CTNNA2: variants seen among roughly 807,000 people sequenced by gnomAD.
CTNNA2 encodes the protein catenin alpha 2, also known as catenin alpha-2.
A neutral mutation model predicts 101.0 loss-of-function variants in CTNNA2; 42 were observed. The ratio of observed to expected loss-of-function variants is 0.42; its 90% CI spans 0.32 to 0.54. CTNNA2 has a LOEUF of 0.54. CTNNA2 is among the 20% of genes least tolerant of loss of function. The pLI, the probability that CTNNA2 is intolerant of heterozygous loss-of-function variation, is 0.14. For synonymous variants in CTNNA2, 450 were observed against 456.4 expected (o/e 0.99, Z 0.18); for missense variants, 871 against 1,223.1 (o/e 0.71, Z 4.29).
chr2:80,433,099 C>T lies in CTNNA2; in HGVS notation c.1290+13498C>T, dbSNP rs573866420. Among the ~76,000 whole-genome samples, 826 of 152,284 alleles carry T rather than the reference C, an allele frequency of 5.4e-3. 7 individuals are homozygous for T. Among genetic ancestry groups the T allele is most frequent in the African/African-American group, 0.019 (782 of 41,566 alleles). On this transcript the variant is annotated intron_variant, in intron 9 of 18. Transcript: ENST00000402739. Reference sequence around the variant, plus strand: ...AACACTCAGCTAAAGAGGCTGTTTTCATCCCCACAATCAAGTATCTCAAAA... The same window carrying T: ...AACACTCAGCTAAAGAGGCTGTTTTTATCCCCACAATCAAGTATCTCAAAA...
intron 9 of CTNNA2, among the ~76,000 whole-genome samples, chr2:80,426,500 A>T (rs918235400): frequency 1.3e-5 from 2 of 152,116 alleles, no homozygotes; most frequent in Non-Finnish European, 2.9e-5. Flanking sequence ...TGTGCAGGCA[A>T]CTGCAGTGGC....
At chr2:79,619,543 T>TA (rs1192315715) in intron 1 of CTNNA2, among the ~76,000 whole-genome samples, 2 of 152,228 alleles carry the variant, frequency 1.3e-5, no homozygotes, top group Non-Finnish European at 2.9e-5. Context: ...CTTTATACCT[T>TA]GAGTTGTTTT....
intron 2 of CTNNA2, among the ~76,000 whole-genome samples, chr2:79,697,494 C>T (rs1002493227): frequency 1.3e-5 from 2 of 152,022 alleles, no homozygotes; most frequent in Admixed American, 6.6e-5. Flanking sequence ...TTTGAGTTGC[C>T]TTTTCAAATG....
chr2:79,703,320 A>T (rs1332165167), intron 2 of CTNNA2, among the ~76,000 whole-genome samples: 1 of 152,148 alleles, frequency 6.6e-6, no homozygotes, highest in Non-Finnish European at 1.5e-5. Flanking sequence ...CTTGGTTCTT[A>T]GTTGTTTTTT....
chr2:80,082,999 T>C (rs183051055), intron 7 of CTNNA2, among the ~76,000 whole-genome samples: 1 of 152,062 alleles, frequency 6.6e-6, no homozygotes, highest in African/African-American at 2.4e-5. Flanking sequence ...AAAGCAGGGG[T>C]ATAGCTTCTT....
At chr2:79,736,936 G>T (rs894693149) in intron 2 of CTNNA2, among the ~76,000 whole-genome samples, 4 of 152,156 alleles carry the variant, frequency 2.6e-5, no homozygotes, top group African/African-American at 9.7e-5. Context: ...AGTTCCTCGT[G>T]CCTCCATAAT....
intron 3 of CTNNA2, among the ~76,000 whole-genome samples, chr2:79,777,327 ATGTGTGTGTGTGTG>A (rs67347678): frequency 0.033 from 4,575 of 139,652 alleles, 236 homozygotes; most frequent in African/African-American, 0.11. Context: ...AACACTTGTT[ATGTGTGTGTGTGTG>A]TGTGTGTGTG....
chr2:79,297,407 C>T (rs1192883751), intron 2 of CTNNA2, among the ~76,000 whole-genome samples: 1 of 152,140 alleles, frequency 6.6e-6, no homozygotes, highest in East Asian at 1.9e-4. Context: ...CACTCTCTTA[C>T]ATTTGAACAA....
At chr2:80,630,404 C>T (rs545495954) in intron 18 of CTNNA2, among the ~76,000 whole-genome samples, 36 of 151,934 alleles carry the variant, frequency 2.4e-4, no homozygotes, top group Non-Finnish European at 4.3e-4. Context: ...TTTGGGAGGC[C>T]GAGGCGGGTG....
At chr2:80,062,545 G>A (rs1468205246) in intron 7 of CTNNA2, among the ~76,000 whole-genome samples, 1 of 152,064 alleles carries the variant, frequency 6.6e-6, no homozygotes, top group African/African-American at 2.4e-5. Context: ...TTTAATAAGA[G>A]CATTGATACC....
chr2:80,305,115 T>G, intron 7 of CTNNA2: 1 of 985,378 alleles, frequency 1.0e-6, no homozygotes, highest in Non-Finnish European at 1.2e-6. Context: ...GGACCTTTGC[T>G]TTAGAAAAGC....
intron 1 of CTNNA2, among the ~76,000 whole-genome samples, chr2:79,570,508 T>G (rs758399320): frequency 5.3e-5 from 8 of 152,250 alleles, no homozygotes; most frequent in African/African-American, 1.9e-4. Flanking sequence ...GTACATGAAA[T>G]TTGCCGATTG....
At chr2:80,032,313 A>G (rs1200453945) in intron 7 of CTNNA2, among the ~76,000 whole-genome samples, 2 of 152,182 alleles carry the variant, frequency 1.3e-5, no homozygotes, top group African/African-American at 4.8e-5. Flanking sequence ...TAATACTGAC[A>G]ATATCCTGCA....
chr2:79,273,190 G>C (rs1675128605), intron 2 of CTNNA2, among the ~76,000 whole-genome samples: 1 of 151,964 alleles, frequency 6.6e-6, no homozygotes, highest in Non-Finnish European at 1.5e-5. Context: ...TATCAGGACT[G>C]TTCCAGAGAC....
chr2:80,381,560 A>T (rs185766169), intron 7 of CTNNA2, among the ~76,000 whole-genome samples: 1 of 152,096 alleles, frequency 6.6e-6, no homozygotes, highest in Admixed American at 6.5e-5. Context: ...GGTCATTCTC[A>T]CAGGCTTTGG....
At position 80,302,091 on chromosome 2, in the gene CTNNA2, A is replaced by G; in HGVS notation, c.1057-91120A>G. 1.0e-6 allele frequency: 1 copy of G among 987,254 alleles called. No individual in the cohort carries two copies. The highest frequency in any genetic ancestry group is 1.9e-5 in the South Asian group (1 of 51,848). The allele number at this position is 987,254 out of a possible 1,614,324, so 61.2% of individuals were successfully genotyped here. On this transcript the variant is annotated intron_variant, in intron 7 of 18. Coordinates refer to ENST00000402739, the MANE Select transcript of CTNNA2 (RefSeq NM_001282597.3). This position sits in a 1 kb window ranked among gnomAD's most constrained non-coding sequence, Gnocchi z 6.4. ...AATTCGCTTTTGTTTTTAAGACACA[A>G]TAAAGCTAAAATGTCAAGTCTCTGG...
At chr2:80,311,982 T>C (rs914983654) in intron 7 of CTNNA2, among the ~76,000 whole-genome samples, 2 of 152,224 alleles carry the variant, frequency 1.3e-5, no homozygotes, top group African/African-American at 2.4e-5. Context: ...GTCATAATTT[T>C]ATCAATTATG....
intron 2 of CTNNA2, among the ~76,000 whole-genome samples, chr2:79,699,172 C>A (rs1684831001): frequency 6.6e-6 from 1 of 152,064 alleles, no homozygotes; most frequent in Admixed American, 6.6e-5. Context: ...TTTTCATAAA[C>A]TTTCCAAATT....
intron 1 of CTNNA2, among the ~76,000 whole-genome samples, chr2:79,188,951 C>G (rs974521632): frequency 6.6e-5 from 10 of 152,182 alleles, no homozygotes; most frequent in African/African-American, 2.2e-4. Flanking sequence ...ACTATAAGCT[C>G]TATGTGAACA....
Sources: gnomAD v4.1 joint callset for allele counts (sites outside exome capture counted in the v4.1 genomes callset) on GRCh38, gnomAD v4.1.1 for gene constraint, Gnocchi (gnomAD v3.1) non-coding constraint, MANE v1.5 for transcripts, NCBI Gene and HGNC (gene_info 2026-07-23, HGNC 2026-07-21) for gene names.